The following ITSN1 variants were observed in gnomAD, a reference collection of about 807,000 sequenced individuals.
ITSN1 encodes intersectin-1.
A neutral mutation model predicts 239.8 loss-of-function variants in ITSN1; 58 were observed. The observed-to-expected ratio is 0.24, with a 90% CI of 0.20 to 0.30. The LOEUF (loss-of-function observed/expected upper bound fraction) is 0.30, where lower values mean the gene tolerates loss of function less well. Ranked by LOEUF, ITSN1 falls within the 10% of genes least tolerant of loss-of-function variation. ITSN1 has a pLI of 1.00. For synonymous variants in ITSN1, 780 were observed against 770.8 expected (o/e 1.01, Z -0.20); for missense variants, 1,558 against 2,103.3 (o/e 0.74, Z 5.07).
At chr21:33,838,268 G>A (rs1484922426) in intron 29 of ITSN1, 2 of 985,338 alleles carry the variant, frequency 2.0e-6, no homozygotes, top group Non-Finnish European at 2.4e-6. Context: ...CACTCCCCTC[G>A]CGTTCTCCCG....
intron 1 of ITSN1, among the ~76,000 whole-genome samples, chr21:33,690,902 AC>A (rs1345516813): frequency 7.2e-6 from 1 of 139,482 alleles, no homozygotes; most frequent in Non-Finnish European, 1.5e-5. Flanking sequence ...TGACTCCATC[AC>A]CCCAATGGGC....
rs1398554966 is a variant in ITSN1, at chr21:33,890,006, A to C, written c.*1706A>C. 6.6e-6 allele frequency: 1 copy of C among 152,256 alleles called. No individual in the cohort carries two copies. Among genetic ancestry groups the C allele is most frequent in the Non-Finnish European group, 1.5e-5 (1 of 68,048 alleles). The allele number at this position is 152,256 out of a possible 1,614,324, so 9.4% of individuals were successfully genotyped here. On this transcript the variant is annotated 3_prime_UTR_variant, in exon 40 of 40. Transcript: ENST00000381318. ...ACATAAGTATTTTTTGAAACAAGCA[A>C]ATATACCCTGTAGTTAGAAACTTTC...
Position 33,779,298 on chromosome 21 carries a change from C to A in ITSN1, c.1597-2163C>A, listed in dbSNP as rs116657018. ...TTTGGACCTTTCATCATTTTTGATACAAACATTTTAAGCTTTAAATGTCCA... is the reference window on the plus strand; with the variant it reads ...TTTGGACCTTTCATCATTTTTGATAAAAACATTTTAAGCTTTAAATGTCCA... On this transcript the variant is annotated intron_variant, in intron 14 of 39. Transcript: ENST00000381318. Among the ~76,000 whole-genome samples, 756 of 152,198 alleles carry A rather than the reference C, an allele frequency of 5.0e-3. 4 individuals are homozygous for A. Among genetic ancestry groups the A allele is most frequent in the African/African-American group, 0.017 (711 of 41,548 alleles).
In ITSN1 at chr21:33,774,975, A is replaced by G; in HGVS notation, c.1463A>G (p.Lys488Arg). 6.2e-7 allele frequency: 1 copy of G among 1,611,528 alleles called. No homozygotes were observed. Among genetic ancestry groups the G allele is most frequent in the Non-Finnish European group, 8.5e-7 (1 of 1,179,026 alleles). The stretch of plus-strand genomic sequence containing the variant: ...ATCTTTCATTTGTTCAAGAATGATA[A>G]AAAGCATCAACTAGAAGGGAAACTT... ...LEFELEALND[K>R]KHQLEGKLQD... is the part of the protein sequence containing the mutation. The change falls in exon 14 of 40, where the codon AAA (lysine) becomes AGA (arginine). Residue 488 changes from lysine (K) to arginine (R), a missense_variant. Transcript: ENST00000381318.
At chr21:33,820,179 T>G (rs910392760) in intron 24 of ITSN1, among the ~76,000 whole-genome samples, 3 of 152,170 alleles carry the variant, frequency 2.0e-5, no homozygotes, top group African/African-American at 7.2e-5. Context: ...TGCAAATAAT[T>G]GCCTTCTTTC....
intron 1 of ITSN1, among the ~76,000 whole-genome samples, chr21:33,646,039 G>C (rs190294367): frequency 6.6e-6 from 1 of 152,176 alleles, no homozygotes; most frequent in Non-Finnish European, 1.5e-5. Context: ...GAGTGAATAC[G>C]TGAATTACAT....
chr21:33,835,336 C>T (rs2074541749), intron 28 of ITSN1, among the ~76,000 whole-genome samples: 1 of 152,164 alleles, frequency 6.6e-6, no homozygotes, highest in South Asian at 2.1e-4. Flanking sequence ...AGTATCCCTC[C>T]ACTTCCATGT....
intron 1 of ITSN1, among the ~76,000 whole-genome samples, chr21:33,715,625 G>C (rs546325252): frequency 6.6e-6 from 1 of 152,314 alleles, no homozygotes; most frequent in Admixed American, 6.5e-5. Context: ...AAGAAAGGCA[G>C]CTGCAATTTC....
At chr21:33,794,069 T>A (rs1323636579) in intron 16 of ITSN1, among the ~76,000 whole-genome samples, 1 of 152,226 alleles carries the variant, frequency 6.6e-6, no homozygotes, top group Non-Finnish European at 1.5e-5. Context: ...AGAGCTCACC[T>A]CCTGCCCTTC....
At chr21:33,708,030 C>A (rs766739877) in intron 1 of ITSN1, among the ~76,000 whole-genome samples, 1 of 151,404 alleles carries the variant, frequency 6.6e-6, no homozygotes, top group Non-Finnish European at 1.5e-5. Flanking sequence ...CACATCCTCA[C>A]CAACACTAGA....
At chr21:33,845,245 G>T (rs1341935634) in intron 29 of ITSN1, among the ~76,000 whole-genome samples, 1 of 148,714 alleles carries the variant, frequency 6.7e-6, no homozygotes, top group East Asian at 1.9e-4. Flanking sequence ...GAAGAGGGGG[G>T]ATGGAGACCT....
At chr21:33,678,133 G>A (rs575454345) in intron 1 of ITSN1, among the ~76,000 whole-genome samples, 4 of 152,110 alleles carry the variant, frequency 2.6e-5, no homozygotes, top group South Asian at 2.1e-4. Flanking sequence ...TCTGCTTTGC[G>A]GTAGCCTAAC....
chr21:33,734,281 G>A (rs1380847222), intron 4 of ITSN1, among the ~76,000 whole-genome samples: 5 of 152,106 alleles, frequency 3.3e-5, no homozygotes, highest in Non-Finnish European at 5.9e-5. Context: ...CCAAAAGGCC[G>A]AGAAGCGATT....
chr21:33,836,257 C>G (rs1435678417), intron 28 of ITSN1, among the ~76,000 whole-genome samples, 184 bp from the exon 29 acceptor site: 2 of 152,160 alleles, frequency 1.3e-5, no homozygotes, highest in African/African-American at 2.4e-5. Context: ...TTGTTGTTGT[C>G]TTAGTTTTTA....
intron 33 of ITSN1, among the ~76,000 whole-genome samples, chr21:33,868,417 GGGGAA>G (rs1240217039): frequency 1.1e-4 from 16 of 152,244 alleles, no homozygotes; most frequent in African/African-American, 3.9e-4. Flanking sequence ...CACGGAGGCA[GGGGAA>G]GGCTCAGGCA....
chr21:33,806,801 G>C (rs1313695764), intron 20 of ITSN1, among the ~76,000 whole-genome samples: 1 of 152,210 alleles, frequency 6.6e-6, no homozygotes, highest in Non-Finnish European at 1.5e-5. Flanking sequence ...ATAGCCCCCA[G>C]TAGGTAAATG....
chr21:33,670,833 A>G (rs1447037409), intron 1 of ITSN1, among the ~76,000 whole-genome samples: 2 of 152,360 alleles, frequency 1.3e-5, no homozygotes, highest in South Asian at 2.1e-4. Context: ...CTGCAAATGC[A>G]CACGGTAGAG....
intron 1 of ITSN1, among the ~76,000 whole-genome samples, chr21:33,707,271 TA>T (rs947659081): frequency 6.6e-6 from 1 of 152,176 alleles, no homozygotes; most frequent in Non-Finnish European, 1.5e-5. Flanking sequence ...TGCATATACT[TA>T]TTTTTTATGT....
At chr21:33,657,422 T>A (rs76160763) in intron 1 of ITSN1, among the ~76,000 whole-genome samples, 5,645 of 152,268 alleles carry the variant, frequency 0.037, 337 homozygotes, top group African/African-American at 0.13. Flanking sequence ...ATTTAGGACT[T>A]CCCAATTCCC....
Sources: gnomAD v4.1 joint callset for allele counts (sites outside exome capture counted in the v4.1 genomes callset) on GRCh38, gnomAD v4.1.1 for gene constraint, MANE v1.5 for transcripts, NCBI Gene and HGNC (gene_info 2026-07-23, HGNC 2026-07-21) for gene names.